Variants in TMCC1 observed in about 807,000 individuals in gnomAD.
TMCC1 encodes the protein transmembrane and coiled-coil domain family 1.
Under a neutral mutation model 52.4 loss-of-function variants are expected in TMCC1, and 15 were observed. The observed-to-expected ratio is 0.29, with a 90% CI of 0.19 to 0.44. The LOEUF (loss-of-function observed/expected upper bound fraction) is 0.44. Among genes scored for constraint, TMCC1 ranks in the 20% least tolerant of loss-of-function variants. The pLI, the probability that TMCC1 is intolerant of heterozygous loss-of-function variation, is 1.00. For synonymous variants in TMCC1, 279 were observed against 301.9 expected (o/e 0.92, Z 0.79); for missense variants, 503 against 806.0 (o/e 0.62, Z 4.55).
chr3:129,859,791 A>G (rs866941026), intron 2 of TMCC1, among the ~76,000 whole-genome samples: 1 of 152,158 alleles, frequency 6.6e-6, no homozygotes, highest in South Asian at 2.1e-4. Flanking sequence ...AAAAATAAAC[A>G]TATCTAGGAC....
At chr3:129,744,451 C>G (rs563041649) in intron 4 of TMCC1, among the ~76,000 whole-genome samples, 179 of 151,894 alleles carry the variant, frequency 1.2e-3, no homozygotes, top group Non-Finnish European at 2.0e-3. Context: ...CCGCACCCAG[C>G]CTCTTTATTA....
chr3:129,885,641 G>C (rs1192098256), intron 1 of TMCC1, among the ~76,000 whole-genome samples: 1 of 152,180 alleles, frequency 6.6e-6, no homozygotes, highest in Non-Finnish European at 1.5e-5. Flanking sequence ...GTTCAAACCT[G>C]AGGGAATGTG....
At chr3:129,712,578 G>T (rs749134607) in intron 4 of TMCC1, among the ~76,000 whole-genome samples, 4 of 152,076 alleles carry the variant, frequency 2.6e-5, no homozygotes. Flanking sequence ...CTCCCGAGGA[G>T]CTGGAACTAC....
chr3:129,865,316 A>C (rs906712930), intron 2 of TMCC1, among the ~76,000 whole-genome samples: 12 of 140,018 alleles, frequency 8.6e-5, no homozygotes, highest in African/African-American at 2.9e-4. Context: ...ACACCACATC[A>C]TTTTTTTTTT....
intron 4 of TMCC1, among the ~76,000 whole-genome samples, chr3:129,751,323 A>T (rs2052496371): frequency 6.6e-6 from 1 of 152,148 alleles, no homozygotes; most frequent in African/African-American, 2.4e-5. Flanking sequence ...TGAGGCCAGG[A>T]ATTCAGGACA....
At chr3:129,842,477 AACAC>A (rs61106930) in intron 2 of TMCC1, among the ~76,000 whole-genome samples, 31,421 of 147,564 alleles carry the variant, frequency 0.21, 4,916 homozygotes, top group East Asian at 0.55. Flanking sequence ...AAAAAAACAA[AACAC>A]ACACACACAC....
intron 4 of TMCC1, among the ~76,000 whole-genome samples, chr3:129,790,401 A>G (rs919864414): frequency 4.6e-5 from 7 of 152,236 alleles, no homozygotes; most frequent in African/African-American, 1.7e-4. Flanking sequence ...CTACAGAGAT[A>G]GGGGTATGAA....
At chr3:129,653,602 C>T (rs1171274860) in intron 6 of TMCC1, among the ~76,000 whole-genome samples, 1 of 152,132 alleles carries the variant, frequency 6.6e-6, no homozygotes, top group Non-Finnish European at 1.5e-5. Flanking sequence ...CGCCAACATG[C>T]CCGGCTAATT....
chr3:129,886,537 G>A (rs984212168), intron 1 of TMCC1, among the ~76,000 whole-genome samples: 1 of 152,134 alleles, frequency 6.6e-6, no homozygotes, highest in Non-Finnish European at 1.5e-5. Flanking sequence ...TACACAAAAC[G>A]TGGTGTATCC....
At chr3:129,767,415 C>T (rs2054219280) in intron 4 of TMCC1, among the ~76,000 whole-genome samples, 1 of 151,744 alleles carries the variant, frequency 6.6e-6, no homozygotes, top group Non-Finnish European at 1.5e-5. Context: ...CTCTGTTGCC[C>T]AGGTTGGAGT....
intron 4 of TMCC1, among the ~76,000 whole-genome samples, chr3:129,687,482 T>C (rs2089486510): frequency 6.6e-6 from 1 of 152,210 alleles, no homozygotes; most frequent in South Asian, 2.1e-4. Context: ...CATCCTTATC[T>C]TTTTTGAGGT....
chr3:129,842,466 A>T (rs1248859343), intron 2 of TMCC1, among the ~76,000 whole-genome samples: 1 of 137,284 alleles, frequency 7.3e-6, no homozygotes, highest in Non-Finnish European at 1.5e-5. Flanking sequence ...ACTTTGTCTA[A>T]AAAAAAACAA....
At chr3:129,745,405 G>C (rs2051845836) in intron 4 of TMCC1, among the ~76,000 whole-genome samples, 1 of 152,208 alleles carries the variant, frequency 6.6e-6, no homozygotes, top group Non-Finnish European at 1.5e-5. Context: ...CCGCAGCTCA[G>C]CCTGTGCCAA....
intron 4 of TMCC1, among the ~76,000 whole-genome samples, chr3:129,765,641 TCTCCTAGC>T: frequency 6.6e-6 from 1 of 152,066 alleles, no homozygotes; most frequent in East Asian, 1.9e-4. Flanking sequence ...AAGAGAAGTA[TCTCCTAGC>T]TTACCCAGAA....
intron 4 of TMCC1, among the ~76,000 whole-genome samples, chr3:129,715,123 TC>T (rs1292819290): frequency 6.6e-6 from 1 of 152,176 alleles, no homozygotes; most frequent in East Asian, 1.9e-4. Flanking sequence ...TCCTTTTTTT[TC>T]TCACTCTTAC....
rs375215404 is a variant in TMCC1, at chr3:129,719,705, T to C, written c.577-48441A>G. Reference sequence around the variant, plus strand: ...AATCTCCACAGACCTGGCATCAGAATTGTGTTGTTGAGAGGATAGTGGGAG... The same window carrying C: ...AATCTCCACAGACCTGGCATCAGAACTGTGTTGTTGAGAGGATAGTGGGAG... On this transcript the variant is annotated intron_variant, in intron 4 of 6. Transcript: ENST00000393238. 5.3e-5 allele frequency among the ~76,000 whole-genome samples: 8 copies of C among 152,256 alleles called. No homozygotes were observed. In the East Asian group the frequency reaches 7.7e-4, roughly 15 times the overall value.
intron 4 of TMCC1, among the ~76,000 whole-genome samples, chr3:129,808,425 T>C (rs2057591145): frequency 2.0e-5 from 3 of 151,852 alleles, no homozygotes; most frequent in Non-Finnish European, 2.9e-5. Context: ...GAGGTTGCAA[T>C]GAGCCAAGAT....
At chr3:129,734,810 A>C (rs1464182284) in intron 4 of TMCC1, among the ~76,000 whole-genome samples, 1 of 152,202 alleles carries the variant, frequency 6.6e-6, no homozygotes, top group Non-Finnish European at 1.5e-5. Flanking sequence ...AAGTTTGAAA[A>C]GCTTGGTAAT....
At chr3:129,775,856 A>G (rs547513921) in intron 4 of TMCC1, among the ~76,000 whole-genome samples, 2 of 152,208 alleles carry the variant, frequency 1.3e-5, no homozygotes, top group Non-Finnish European at 2.9e-5. Flanking sequence ...TTAAAAATAT[A>G]AATCAGATCA....
Sources: allele counts gnomAD v4.1 joint callset (sites outside exome capture counted in the v4.1 genomes callset), GRCh38; gene constraint gnomAD v4.1.1; transcripts MANE v1.5; gene names NCBI Gene and HGNC (gene_info 2026-07-23, HGNC 2026-07-21).